The following HMGN3 variants were observed in gnomAD, a reference collection of about 807,000 sequenced individuals.
HMGN3 encodes high mobility group nucleosome-binding domain-containing protein 3.
In HMGN3, 6 loss-of-function variants were observed where a neutral mutation model predicts 18.8. The ratio of observed to expected loss-of-function variants is 0.32; its 90% CI spans 0.18 to 0.63. HMGN3 has a LOEUF of 0.63. HMGN3 is among the 30% of genes least tolerant of loss of function. The pLI, the probability that HMGN3 is intolerant of heterozygous loss-of-function variation, is 0.79. For synonymous variants in HMGN3, 40 were observed against 36.5 expected (o/e 1.10, Z -0.35); for missense variants, 107 against 114.2 (o/e 0.94, Z 0.29).
chr6:79,212,394 T>C (rs1054561358), intron 2 of HMGN3, among the ~76,000 whole-genome samples: 2 of 152,232 alleles, frequency 1.3e-5, no homozygotes, highest in South Asian at 2.1e-4. Flanking sequence ...TTTTTCTTCA[T>C]AGCTAATATT....
intron 1 of HMGN3, among the ~76,000 whole-genome samples, chr6:79,223,527 C>T (rs192146668): frequency 2.6e-5 from 4 of 151,794 alleles, no homozygotes; most frequent in East Asian, 1.9e-4. Flanking sequence ...CAAACAAACA[C>T]ACACACAAAC....
Position 79,217,421 on chromosome 6 carries a change from G to C in HMGN3, c.16-2399C>G, listed in dbSNP as rs116964242. Among the ~76,000 whole-genome samples the C allele has an allele frequency of 1.1e-3, 166 of 152,306 alleles. 1 individual carries two copies. In the East Asian group the frequency reaches 0.028, roughly 26 times the overall value. On this transcript the variant is annotated intron_variant, in intron 1 of 5. Transcript: ENST00000344726. ...CAGTCTCCTTCATCCATGAATGATA[G>C]ATGATAATGACAGCTAACTCAAAGG...
Position 79,218,297 on chromosome 6 carries a change from C to T in HMGN3, c.16-3275G>A, listed in dbSNP as rs548501570. ...TAATAAACAATATAGGTAACTAACA[C>T]TTATACAACAATATGATACTTAAAA... On this transcript the variant is annotated intron_variant, in intron 1 of 5. Transcript: ENST00000344726. Among the ~76,000 whole-genome samples, 237 of 152,042 alleles carry T rather than the reference C, an allele frequency of 1.6e-3. No homozygotes were observed. In the Middle Eastern group the frequency reaches 0.031, roughly 20 times the overall value.
chr6:79,215,009 G>A (rs1335180015), exon 2 of HMGN3: 1 of 1,512,000 alleles, frequency 6.6e-7, no homozygotes, highest in Non-Finnish European at 9.0e-7. Flanking sequence ...TTTGCCCTCT[G>A]TATTCTCTGG....
At chr6:79,202,410 A>G (rs1357022437) in intron 4 of HMGN3, 21 bp from the exon 5 acceptor site, 6 of 1,571,248 alleles carry the variant, frequency 3.8e-6, no homozygotes, top group Non-Finnish European at 5.3e-6. Context: ...ATCAAAGCAC[A>G]GTGAAAGAGA....
chr6:79,203,684 C>T lies in HMGN3; in HGVS notation c.97-54G>A. The stretch of plus-strand genomic sequence containing the variant: ...ACTGAAAAAAAAAAAAAACTATCAG[C>T]ACCAAAAGAAACACAAAAGGACTAA... On this transcript the variant is annotated intron_variant, in intron 3 of 5. Transcript: ENST00000344726. 4.5e-6 allele frequency: 6 copies of T among 1,320,018 alleles called. No homozygotes were observed. The South Asian group carries it at 7.6e-5, about 17-fold the overall frequency. The allele number at this position is 1,320,018 out of a possible 1,614,324, so 81.8% of individuals were successfully genotyped here.
chr6:79,229,891 G>T (rs1227441863), intron 1 of HMGN3, among the ~76,000 whole-genome samples: 3 of 151,980 alleles, frequency 2.0e-5, no homozygotes, highest in Admixed American at 6.6e-5. Context: ...AAAAAAAAAT[G>T]ATAAACATAG....
At chr6:79,226,375 G>A (rs890558943) in intron 1 of HMGN3, among the ~76,000 whole-genome samples, 27 of 152,106 alleles carry the variant, frequency 1.8e-4, no homozygotes, top group Admixed American at 2.0e-4. Flanking sequence ...AACGGGAAAC[G>A]GACACACCTT....
chr6:79,217,577 C>T (rs1206453985), intron 1 of HMGN3, among the ~76,000 whole-genome samples: 3 of 152,102 alleles, frequency 2.0e-5, no homozygotes, highest in Non-Finnish European at 4.4e-5. Context: ...TTCAACAGAG[C>T]CTTAAAGTTG....
At chr6:79,208,059 T>C (rs1354122549) in intron 3 of HMGN3, among the ~76,000 whole-genome samples, 1 of 152,150 alleles carries the variant, frequency 6.6e-6, no homozygotes, top group Non-Finnish European at 1.5e-5. Flanking sequence ...AAGAATCTCC[T>C]GGCCCACAGA....
At position 79,202,167 on chromosome 6, in the gene HMGN3, T is replaced by C. The variant is rs374757697; in HGVS notation, c.261+109A>G. On this transcript the variant is annotated intron_variant, in intron 5 of 5. Transcript: ENST00000344726. Reference sequence around the variant, plus strand: ...CGAGAGATGTGGATCTGCAATAACATTACAGGCAATAAAAAGAGACATTAA... The same window carrying C: ...CGAGAGATGTGGATCTGCAATAACACTACAGGCAATAAAAAGAGACATTAA... 6.3e-7 allele frequency: 1 copy of C among 1,597,744 alleles called. No individual in the cohort carries two copies. The highest frequency in any genetic ancestry group is 2.2e-5 in the East Asian group (1 of 44,736).
At chr6:79,221,535 C>T (rs1777284516) in intron 1 of HMGN3, among the ~76,000 whole-genome samples, 2 of 152,208 alleles carry the variant, frequency 1.3e-5, no homozygotes, top group Non-Finnish European at 2.9e-5. Flanking sequence ...GAAGAATCAA[C>T]AAGGTTTGCT....
chr6:79,203,678 T>C (rs758001970), intron 3 of HMGN3, 48 bp from the exon 4 acceptor site: 3 of 1,270,234 alleles, frequency 2.4e-6, no homozygotes, highest in South Asian at 1.3e-5. Context: ...AAAAAAAAAC[T>C]ATCAGCACCA....
intron 1 of HMGN3, among the ~76,000 whole-genome samples, chr6:79,217,990 C>T (rs753867255): frequency 6.6e-6 from 1 of 152,244 alleles, no homozygotes; most frequent in Non-Finnish European, 1.5e-5. Context: ...CAGGCTTACA[C>T]TAATCCAGTT....
intron 1 of HMGN3, among the ~76,000 whole-genome samples, chr6:79,225,846 C>T (rs1310688447): frequency 1.3e-5 from 2 of 152,178 alleles, no homozygotes; most frequent in African/African-American, 4.8e-5. Flanking sequence ...AACAGAACTG[C>T]ACCCTGAGGC....
exon 4 of HMGN3, chr6:79,203,614 T>A: frequency 6.2e-7 from 1 of 1,613,492 alleles, no homozygotes; most frequent in Non-Finnish European, 8.5e-7. Context: ...GGGTTCAGGT[T>A]TTGGTGGAGC....
At chr6:79,205,463 GCTCT>G (rs922679328) in intron 3 of HMGN3, among the ~76,000 whole-genome samples, 2 of 152,190 alleles carry the variant, frequency 1.3e-5, no homozygotes, top group Non-Finnish European at 2.9e-5. Context: ...CCGCACAAGC[GCTCT>G]CTCTCTTTGC....
intron 1 of HMGN3, among the ~76,000 whole-genome samples, chr6:79,226,410 T>C (rs1276891621): frequency 6.6e-6 from 1 of 152,182 alleles, no homozygotes; most frequent in Non-Finnish European, 1.5e-5. Context: ...AGAATTAATA[T>C]TATTAATGCA....
At chr6:79,201,509 GA>G (rs1301216483) in exon 6 of HMGN3, 5 of 551,316 alleles carry the variant, frequency 9.1e-6, no homozygotes, top group African/African-American at 5.6e-5. Flanking sequence ...TTTACTTGAG[GA>G]TGATGTAAAT....
Sources: gnomAD v4.1 joint callset for allele counts (sites outside exome capture counted in the v4.1 genomes callset) on GRCh38, gnomAD v4.1.1 for gene constraint, MANE v1.5 for transcripts, NCBI Gene and HGNC (gene_info 2026-07-23, HGNC 2026-07-21) for gene names.